The following XPNPEP1 variants were observed in gnomAD, a reference collection of about 807,000 sequenced individuals.
XPNPEP1 encodes the protein X-prolyl aminopeptidase 1.
In XPNPEP1, 39 loss-of-function variants were observed where a neutral mutation model predicts 92.4. The ratio of observed to expected loss-of-function variants is 0.42; its 90% CI spans 0.33 to 0.55. The LOEUF is 0.55. Ranked by LOEUF, XPNPEP1 falls within the 20% of genes least tolerant of loss-of-function variation. XPNPEP1 has a pLI of 0.08. For missense variants in XPNPEP1, 654 were observed against 856.1 expected (o/e 0.76, Z 2.95); for synonymous variants, 307 against 299.4 (o/e 1.03, Z -0.26).
chr10:109,868,808 G>T, intron 19 of XPNPEP1, 96 bp from the exon 20 acceptor site: 1 of 1,155,200 alleles, frequency 8.7e-7, no homozygotes, highest in South Asian at 1.3e-5. Context: ...CTCAGAGCCA[G>T]GGGTAACTGG....
intron 4 of XPNPEP1, 74 bp from the exon 5 acceptor site, chr10:109,891,900 T>C (rs1046299877): frequency 1.6e-5 from 24 of 1,474,204 alleles, no homozygotes; most frequent in Middle Eastern, 1.8e-4. Flanking sequence ...AAAATGACAG[T>C]AGACAGGCAA....
rs116786530 is a variant in XPNPEP1 at position 109,874,292 on chromosome 10, C to T, written c.1392-865G>A. On this transcript the variant is annotated intron_variant, in intron 15 of 20. Coordinates refer to ENST00000502935, the MANE Select transcript of XPNPEP1 (RefSeq NM_020383.4). ...ACTATCACTGGGGTTATGAACAAGA[C>T]AGAAGAAGGCAAAGAAAACAGGAGC... Among the ~76,000 whole-genome samples, 1,161 of 152,224 alleles carry T rather than the reference C, an allele frequency of 7.6e-3. 21 individuals carry two copies. Among genetic ancestry groups the T allele is most frequent in the African/African-American group, 0.026 (1,100 of 41,538 alleles).
At chr10:109,886,487 G>A (rs1329771140) in intron 7 of XPNPEP1, 146 bp from the exon 8 acceptor site, 3 of 727,942 alleles carry the variant, frequency 4.1e-6, no homozygotes, top group Non-Finnish European at 6.8e-6. Flanking sequence ...CTGGATTCAA[G>A]CCCTATACAA....
intron 10 of XPNPEP1, among the ~76,000 whole-genome samples, chr10:109,881,578 TCA>T (rs1589567082): frequency 6.6e-6 from 1 of 150,658 alleles, no homozygotes; most frequent in African/African-American, 2.4e-5. Context: ...AGAGGAGGAG[TCA>T]CACTGTGTGT....
Position 109,923,471 on chromosome 10 carries a change from C to A in XPNPEP1, c.-38G>T. 7.2e-7 allele frequency: 1 copy of A among 1,382,788 alleles called. No homozygotes were observed. The allele number at this position is 1,382,788 out of a possible 1,614,324, so 85.7% of individuals were successfully genotyped here. On this transcript the variant is annotated 5_prime_UTR_variant, in exon 1 of 21. Transcript: ENST00000502935. Reference sequence around the variant, plus strand: ...TGCCCCAGCCCACGTCAGGGGAGCGCAGACCAGCTGATCACCCGCGGAAGG... The same window carrying A: ...TGCCCCAGCCCACGTCAGGGGAGCGAAGACCAGCTGATCACCCGCGGAAGG...
intron 12 of XPNPEP1, 38 bp downstream of exon 12, chr10:109,880,150 A>G: frequency 6.2e-7 from 1 of 1,601,542 alleles, no homozygotes; most frequent in Non-Finnish European, 8.6e-7. Flanking sequence ...GGTCTGAATA[A>G]TGTATATCCA....
At position 109,914,986 on chromosome 10, in the gene XPNPEP1, T is replaced by G. The variant is rs1349618989; in HGVS notation, c.121+25A>C. 3 of 1,466,076 alleles carry G rather than the reference T, an allele frequency of 2.0e-6. No homozygotes were observed. The Admixed American group carries it at 6.2e-5, about 30-fold the overall frequency. 90.8% of individuals were successfully genotyped at this position (1,466,076 alleles called of 1,614,324 possible). ...TCTAAAATCCTTTACAGATGTTCCA[T>G]CTAATTTCCAGACAAAATTATTACC... On this transcript the variant is annotated intron_variant, in intron 2 of 20. Transcript: ENST00000502935.
chr10:109,905,678 G>A (rs1307623568), intron 3 of XPNPEP1, among the ~76,000 whole-genome samples: 1 of 152,220 alleles, frequency 6.6e-6, no homozygotes, highest in East Asian at 1.9e-4. Flanking sequence ...CTACAGTATT[G>A]TACATTTTTA....
At chr10:109,877,526 CA>C in intron 14 of XPNPEP1, 2 of 482,720 alleles carry the variant, frequency 4.1e-6, no homozygotes. Flanking sequence ...CCTGCAGCTT[CA>C]AAAAGGAAAG....
chr10:109,893,206 G>A (rs1183402337), intron 3 of XPNPEP1, 131 bp from the exon 4 acceptor site: 1 of 737,740 alleles, frequency 1.4e-6, no homozygotes, highest in African/African-American at 1.8e-5. Context: ...CCCTCAAGAA[G>A]CCAACAGTCT....
chr10:109,894,687 T>A (rs1340142363), intron 3 of XPNPEP1, among the ~76,000 whole-genome samples: 6 of 152,188 alleles, frequency 3.9e-5, no homozygotes, highest in African/African-American at 1.4e-4. Flanking sequence ...CTGGGCCACC[T>A]GCCCACTAGC....
At chr10:109,923,297 G>C in intron 1 of XPNPEP1, 105 bp downstream of exon 1, 1 of 1,236,758 alleles carries the variant, frequency 8.1e-7, no homozygotes, top group Non-Finnish European at 1.0e-6. Context: ...GCGGCGGGCC[G>C]GGCTCCTCAC....
At position 109,886,282 on chromosome 10, in the gene XPNPEP1, T is replaced by C. The variant is rs1422125353; in HGVS notation, c.712A>G (p.Met238Val). The change falls in exon 8 of 21, where the codon ATG becomes GTG. Residue 238 changes from methionine to valine, a missense_variant. Physicochemically the swap from Met to Val is conservative, Grantham distance 21 (BLOSUM62 1). Transcript: ENST00000502935. Reference sequence around the variant, plus strand: ...TCCAAGGCAGTGACCACAAACCACATGACGTTCCTCTCAGCCATTTTCAAC... The same window carrying C: ...TCCAAGGCAGTGACCACAAACCACACGACGTTCCTCTCAGCCATTTTCAAC... ...LRLKMAERNV[M>V]WFVVTALDEI... 3.7e-6 allele frequency: 6 copies of C among 1,614,056 alleles called. No homozygotes were observed. The highest frequency in any genetic ancestry group is 1.3e-5 in the African/African-American group (1 of 74,916).
intron 3 of XPNPEP1, among the ~76,000 whole-genome samples, chr10:109,897,079 A>G (rs909349610): frequency 5.9e-5 from 9 of 152,208 alleles, no homozygotes; most frequent in Non-Finnish European, 1.0e-4. Flanking sequence ...GACAAAGGAT[A>G]TCTTTTCTAA....
At chr10:109,870,110 A>T in intron 18 of XPNPEP1, 81 bp from the exon 19 acceptor site, 6 of 1,455,382 alleles carry the variant, frequency 4.1e-6, no homozygotes, top group Non-Finnish European at 5.7e-6. Context: ...TCCTTGGATG[A>T]CTGCCCTACT....
intron 13 of XPNPEP1, 29 bp from the exon 14 acceptor site, chr10:109,877,896 G>A: frequency 1.2e-6 from 2 of 1,614,178 alleles, no homozygotes; most frequent in East Asian, 2.2e-5. Context: ...AAGCAGAGTG[G>A]CTTAAAGGTT....
At chr10:109,908,298 T>G (rs2133531140) in intron 2 of XPNPEP1, among the ~76,000 whole-genome samples, 2 of 152,324 alleles carry the variant, frequency 1.3e-5, no homozygotes, top group South Asian at 4.1e-4. Flanking sequence ...AGACAACATT[T>G]GTGGGTGATT....
At chr10:109,894,552 TA>T (rs5787825) in intron 3 of XPNPEP1, among the ~76,000 whole-genome samples, 37,770 of 121,788 alleles carry the variant, frequency 0.31, 5,103 homozygotes, top group Admixed American at 0.48. Flanking sequence ...AAACAAAAAT[TA>T]AAAAAAAAAA....
chr10:109,895,452 T>C (rs955848911), intron 3 of XPNPEP1, among the ~76,000 whole-genome samples: 1 of 152,160 alleles, frequency 6.6e-6, no homozygotes. Flanking sequence ...TAACAGCAAA[T>C]GGACATGTTT....
Sources: allele counts gnomAD v4.1 joint callset (sites outside exome capture counted in the v4.1 genomes callset), GRCh38; gene constraint gnomAD v4.1.1; transcripts MANE v1.5; gene names NCBI Gene and HGNC (gene_info 2026-07-23, HGNC 2026-07-21).